Variants in MROH2A observed in about 807,000 individuals in gnomAD.
MROH2A encodes the protein maestro heat like repeat family member 2A, also known as maestro heat-like repeat-containing protein family member 2A.
In MROH2A, 174 loss-of-function variants were observed where a neutral mutation model predicts 200.4. The observed-to-expected ratio is 0.87, with a 90% CI of 0.77 to 0.98. The LOEUF is 0.98. Ranked by LOEUF, MROH2A falls within the 50% of genes least tolerant of loss-of-function variation. The pLI is 0.00. For missense variants in MROH2A, 2,045 were observed against 2,139.6 expected (o/e 0.96, Z 0.87); for synonymous variants, 829 against 840.4 (o/e 0.99, Z 0.23).
intron 24 of MROH2A, among the ~76,000 whole-genome samples, chr2:233,812,653 G>A (rs926028127): frequency 1.3e-5 from 2 of 152,142 alleles, no homozygotes; most frequent in Non-Finnish European, 2.9e-5. Flanking sequence ...AGCCTTTTAA[G>A]GACTTAGAGA....
intron 41 of MROH2A, 117 bp downstream of exon 41, chr2:233,832,761 G>A: frequency 1.5e-6 from 1 of 648,014 alleles, no homozygotes; most frequent in Non-Finnish European, 2.7e-6. Context: ...GTTTCGGGGG[G>A]GTGGGAGTGC....
rs976243597 is a variant in MROH2A at position 233,795,712 on chromosome 2, G to A, written c.1026G>A (p.Gln342=). ...CCAACACCCCTGTCCCCCAAATGCA[G>A]CTACACACCATTTTCACAGAACTGC... The part of the protein sequence containing the change: ...VTTNTPVPQM[Q]LHTIFTELHV... Residue 342 remains glutamine (Q), a synonymous_variant, in exon 9 of 42, where the codon CAG becomes CAA. Transcript: ENST00000389758. The A allele has an allele frequency of 6.4e-7, 1 of 1,551,104 alleles. No individual in the cohort carries two copies. The highest frequency in any genetic ancestry group is 8.7e-7 in the Non-Finnish European group (1 of 1,147,142).
chr2:233,807,028 T>A lies in MROH2A; in HGVS notation c.2053-395T>A, dbSNP rs139120200. On this transcript the variant is annotated intron_variant, in intron 19 of 41. Transcript: ENST00000389758. This position sits in a 1 kb window ranked among gnomAD's most constrained non-coding sequence, Gnocchi z 4.3. ...TCATAGCTTAGCTCCCACTTATGAG[T>A]GAGAACATACGACGTTTGGTTTTCC... 9.2e-3 allele frequency among the ~76,000 whole-genome samples: 1,399 copies of A among 152,202 alleles called. 110 individuals carry two copies. In the East Asian group the frequency reaches 0.19, roughly 21 times the overall value.
intron 10 of MROH2A, 76 bp from the exon 11 acceptor site, chr2:233,796,124 G>A (rs1250717097): frequency 1.5e-5 from 22 of 1,513,184 alleles, no homozygotes; most frequent in Non-Finnish European, 1.8e-5. Context: ...CCCTCTGAGC[G>A]CTGGGCCTGG....
chr2:233,805,002 A>C lies in MROH2A; in HGVS notation c.1945-2A>C. The C allele has an allele frequency of 6.5e-7, 1 of 1,545,728 alleles. No individual in the cohort carries two copies. The highest frequency in any genetic ancestry group is 8.7e-7 in the Non-Finnish European group (1 of 1,143,042). The stretch of plus-strand genomic sequence containing the variant: ...TCTCACCAACGTCTTGTGCCTCCCC[A>C]GTTTCTGCGAAACTCCCTCAAGAAG... On this transcript the variant is annotated splice_acceptor_variant, in intron 18 of 41. Transcript: ENST00000389758. LOFTEE classifies it high-confidence loss of function.
rs113399370 is a variant in MROH2A, at chr2:233,800,269, T to C, written c.1514T>C (p.Met505Thr). 1,697 of 1,550,204 alleles carry C rather than the reference T, an allele frequency of 1.1e-3. 22 individuals are homozygous for C. The African/African-American group carries it at 0.02, about 18-fold the overall frequency. The change falls in exon 14 of 42, where the codon ATG becomes ACG. Residue 505 changes from methionine to threonine, a missense_variant. Transcript: ENST00000389758. ...LEERMVHKVTMDTVKIITSSV... is the reference protein window; with the variant it reads ...LEERMVHKVTTDTVKIITSSV... ...GAGAGGATGGTCCACAAAGTCACCA[T>C]GGACACTGTGAAGATCATTACCTCT...
At position 233,807,579 on chromosome 2, in the gene MROH2A, G is replaced by A; in HGVS notation, c.2172+37G>A. ...TGCAGCCTCCTCCTGTCCACCAGAT[G>A]CCTCTGGACCCTCGGGGACATGTGT... On this transcript the variant is annotated intron_variant, in intron 20 of 41. Transcript: ENST00000389758. The surrounding 1 kb of genome is among the most constrained non-coding windows in gnomAD (Gnocchi z 4.3). 3.2e-6 allele frequency: 5 copies of A among 1,548,624 alleles called. No individual in the cohort carries two copies. Among genetic ancestry groups the A allele is most frequent in the Non-Finnish European group, 4.4e-6 (5 of 1,145,896 alleles).
chr2:233,803,914 G>A (rs1222185807), intron 16 of MROH2A, 137 bp from the exon 17 acceptor site: 3 of 1,146,268 alleles, frequency 2.6e-6, no homozygotes, highest in Non-Finnish European at 3.6e-6. Context: ...CTCTGCAGGT[G>A]CACTCTCTAT....
intron 19 of MROH2A, among the ~76,000 whole-genome samples, chr2:233,805,485 A>G (rs1055011385): frequency 6.6e-6 from 1 of 152,200 alleles, no homozygotes; most frequent in African/African-American, 2.4e-5. Context: ...TACTCTCCAA[A>G]TTTATCTTCA....
chr2:233,832,678 C>G, intron 41 of MROH2A, 34 bp downstream of exon 41: 2 of 1,432,014 alleles, frequency 1.4e-6, no homozygotes, highest in Non-Finnish European at 1.9e-6. Context: ...GTTGAGTCCA[C>G]GACTCACCAA....
intron 25 of MROH2A, among the ~76,000 whole-genome samples, chr2:233,814,084 G>A (rs1559469977): frequency 6.6e-6 from 1 of 152,186 alleles, no homozygotes; most frequent in Non-Finnish European, 1.5e-5. Flanking sequence ...GAGTCCTCCT[G>A]CCCATCCTCA....
At position 233,779,705 on chromosome 2, in the gene MROH2A, C is replaced by G; in HGVS notation, c.129C>G (p.Ile43Met). The G allele has an allele frequency of 6.4e-6, 10 of 1,551,226 alleles. No individual in the cohort carries two copies. Among genetic ancestry groups the G allele is most frequent in the South Asian group, 2.4e-5 (2 of 84,064 alleles). ...AACAAGTCGTGAACCTTCTGGACAT[C>G]ATTGACAGCGAGTCAGCAAAGACGG... Reference protein sequence around the residue: ...TFQQVVNLLDIIDSESAKTDT... With the variant: ...TFQQVVNLLDMIDSESAKTDT... The change falls in exon 3 of 42, where the codon ATC (isoleucine) becomes ATG (methionine). Residue 43 changes from isoleucine to methionine, a missense_variant. Transcript: ENST00000389758.
intron 26 of MROH2A, among the ~76,000 whole-genome samples, chr2:233,815,704 C>T (rs546173520): frequency 5.9e-5 from 9 of 152,234 alleles, no homozygotes; most frequent in East Asian, 3.9e-4. Flanking sequence ...AGGCTATGTA[C>T]GTGTGGGTGT....
At chr2:233,804,020 G>A in intron 16 of MROH2A, 31 bp from the exon 17 acceptor site, 3 of 1,547,262 alleles carry the variant, frequency 1.9e-6, no homozygotes, top group Non-Finnish European at 2.6e-6. Context: ...GTGCTCAGGT[G>A]CTACTTCACT....
At chr2:233,792,376 G>A (rs1168471137) in intron 5 of MROH2A, among the ~76,000 whole-genome samples, 6 of 150,130 alleles carry the variant, frequency 4.0e-5, no homozygotes, top group African/African-American at 9.8e-5. Context: ...GCAGTGGCGC[G>A]ATCTCGGCTC....
In MROH2A at chr2:233,831,428, T is replaced by C; in HGVS notation, c.4622T>C (p.Phe1541Ser). The C allele has an allele frequency of 6.5e-7, 1 of 1,550,242 alleles. No homozygotes were observed. Among genetic ancestry groups the C allele is most frequent in the African/African-American group, 1.4e-5 (1 of 73,162 alleles). Residue 1541 changes from phenylalanine to serine, a missense_variant, in exon 39 of 42, where the codon TTT becomes TCT. This residue lies in a region of MROH2A where 1,201 missense variants were observed against 1,311.3 expected (regional missense o/e 0.92). Coordinates refer to ENST00000389758, the MANE Select transcript of MROH2A (RefSeq NM_001394639.1). ...CTGCAGGCCTGTATGGCTACCATGT[T>C]TCAGTGTGTGCACTTCTGGGGCTGG... ...NAAQACMATMFQCVHFWGWKS... is the reference protein window; with the variant it reads ...NAAQACMATMSQCVHFWGWKS...
chr2:233,777,529 A>G (rs937321855), upstream of MROH2A, among the ~76,000 whole-genome samples: 1 of 152,222 alleles, frequency 6.6e-6, no homozygotes, highest in Non-Finnish European at 1.5e-5. Flanking sequence ...TTTTATGAGG[A>G]AGAAATGTTG....
At position 233,833,335 on chromosome 2, in the gene MROH2A, T is replaced by G. The variant is rs1704915427; in HGVS notation, c.*76T>G. ...CTTTTTAATTTAGTTTGTAAGAAGT[T>G]TAGTTTGTAGGAAAAACACTATTGT... On this transcript the variant is annotated 3_prime_UTR_variant, in exon 42 of 42. Coordinates refer to ENST00000389758, the MANE Select transcript of MROH2A (RefSeq NM_001394639.1). 2.1e-6 allele frequency: 3 copies of G among 1,409,012 alleles called. No homozygotes were observed. The highest frequency in any genetic ancestry group is 2.9e-5 in the African/African-American group (2 of 68,484). The allele number at this position is 1,409,012 out of a possible 1,614,324, so 87.3% of individuals were successfully genotyped here.
intron 5 of MROH2A, among the ~76,000 whole-genome samples, chr2:233,792,520 A>T (rs1052437352): frequency 6.6e-6 from 1 of 152,048 alleles, no homozygotes; most frequent in Non-Finnish European, 1.5e-5. Flanking sequence ...CAACCGTGTT[A>T]GCCAGGATGA....
Sources: allele counts gnomAD v4.1 joint callset (sites outside exome capture counted in the v4.1 genomes callset), GRCh38; gene constraint gnomAD v4.1.1; regional missense constraint gnomAD v4.1.1; non-coding constraint Gnocchi (gnomAD v3.1); transcripts MANE v1.5; gene names NCBI Gene and HGNC (gene_info 2026-07-23, HGNC 2026-07-21).